C7orf33: variants seen among roughly 807,000 people sequenced by gnomAD.
C7orf33 encodes the protein uncharacterized protein C7orf33.
C7orf33 carries 15 observed loss-of-function variants against 13.4 expected under a neutral mutation model. The ratio of observed to expected loss-of-function variants is 1.12; its 90% confidence interval spans 0.75 to 1.72. C7orf33 has a LOEUF of 1.72. C7orf33 is among the 40% of genes most tolerant of loss of function. The pLI, the probability that C7orf33 is intolerant of heterozygous loss-of-function variation, is 0.00. For synonymous variants in C7orf33, 73 were observed against 83.2 expected, an observed-to-expected ratio of 0.88 and a Z score of 0.67; for missense variants, 187 against 220.3, an observed-to-expected ratio of 0.85 and a Z score of 0.96.
chr7:148,609,564 T>C (rs1028302472), intron 1 of C7orf33, among the ~76,000 whole-genome samples: 1 of 152,196 alleles, frequency 6.6e-6, no homozygotes, highest in Non-Finnish European at 1.5e-5. Context: ...CATCTTGAAG[T>C]TGGCTGTCCT....
At chr7:148,609,549 A>G (rs899855170) in intron 1 of C7orf33, among the ~76,000 whole-genome samples, 4 of 152,236 alleles carry the variant, frequency 2.6e-5, no homozygotes, top group South Asian at 2.1e-4. Context: ...CTATACTGAC[A>G]TCTTCATCTT....
rs926166164 is a variant in C7orf33 at position 148,615,193 on chromosome 7, C to T, written c.460-134C>T. The T allele has an allele frequency of 1.1e-4, 68 of 602,856 alleles. No individual in the cohort carries two copies. The African/African-American group carries it at 1.2e-3, about 10-fold the overall frequency. 37.3% of individuals were successfully genotyped at this position (602,856 alleles called of 1,614,324 possible). On this transcript the variant is annotated intron_variant, in intron 2 of 2. Transcript: ENST00000307003. The stretch of plus-strand genomic sequence containing the variant: ...GGCTCAAGCGATCCACCCACCTTGG[C>T]CTCTCAAAGTGCTGGGATTACAGGC...
rs373549941 is a variant in C7orf33, at chr7:148,591,085, G to T, written c.160G>T (p.Gly54Cys). 1 of 1,613,470 alleles carries T rather than the reference G, an allele frequency of 6.2e-7. No individual in the cohort carries two copies. Among genetic ancestry groups the T allele is most frequent in the East Asian group, 2.2e-5 (1 of 44,872 alleles). ...AVAVWVHVRG[G>C]PGQFNLSYAT... ...CGCTGTTTGGGTCCACGTTAGGGGC[G>T]GTCCAGGTCAATTTAACTTGTCATA... Residue 54 changes from glycine (G) to cysteine (C), a missense_variant, in exon 1 of 3, where the codon GGT (glycine) becomes TGT (cysteine). Physicochemically the swap from Gly to Cys is radical, Grantham distance 159. Transcript: ENST00000307003.
rs550466146 is a variant in C7orf33 at position 148,591,323 on chromosome 7, A to G, written c.204+194A>G. Among the ~76,000 whole-genome samples, 3 of 152,342 alleles carry G rather than the reference A, an allele frequency of 2.0e-5. No homozygotes were observed. In the East Asian group the frequency reaches 5.8e-4, roughly 29 times the overall value. ...AAGAAGGCCTGGAATCTTCTTAGGG[A>G]AAAGAATCCTCACAAAACACTCCAC... is the stretch of plus-strand genomic sequence containing the variant. On this transcript the variant is annotated intron_variant, in intron 1 of 2. Coordinates refer to ENST00000307003, the MANE Select transcript of C7orf33 (RefSeq NM_145304.4).
intron 1 of C7orf33, among the ~76,000 whole-genome samples, chr7:148,593,673 G>A (rs56256298): frequency 0.052 from 7,843 of 152,152 alleles, 258 homozygotes; most frequent in South Asian, 0.1. Context: ...CTCTGACTGG[G>A]TGTTTAATGC....
chr7:148,595,411 T>C (rs1454186497), intron 1 of C7orf33, among the ~76,000 whole-genome samples: 3 of 115,690 alleles, frequency 2.6e-5, no homozygotes, highest in Non-Finnish European at 3.6e-5. Flanking sequence ...ATAATATAGA[T>C]CTATATTATA....
At chr7:148,609,300 CA>C (rs1185639900) in intron 1 of C7orf33, among the ~76,000 whole-genome samples, 1 of 152,162 alleles carries the variant, frequency 6.6e-6, no homozygotes, top group Non-Finnish European at 1.5e-5. Flanking sequence ...CTAGTCTAAA[CA>C]TTCATAGAGC....
At chr7:148,603,264 A>G (rs2116895828) in intron 1 of C7orf33, among the ~76,000 whole-genome samples, 1 of 152,208 alleles carries the variant, frequency 6.6e-6, no homozygotes, top group East Asian at 1.9e-4. Context: ...GAGCTCTGAG[A>G]CCAGGCTGAT....
chr7:148,600,897 G>T (rs1224299560), intron 1 of C7orf33, among the ~76,000 whole-genome samples: 1 of 148,884 alleles, frequency 6.7e-6, no homozygotes, highest in Admixed American at 6.7e-5. Context: ...CCACCTCCCG[G>T]GTTGAAGCAA....
rs111457268 is a variant in C7orf33, at chr7:148,604,542, C to A, written c.205-9500C>A. Among the ~76,000 whole-genome samples, 1,327 of 152,226 alleles carry A rather than the reference C, an allele frequency of 8.7e-3. 17 individuals are homozygous for A. Among genetic ancestry groups the A allele is most frequent in the African/African-American group, 0.031 (1,268 of 41,526 alleles). ...TGCAAAGGCATAGTGATACAGTGGA[C>A]TTTGGGGACTCAGGGGAAAGGGTGG... On this transcript the variant is annotated intron_variant, in intron 1 of 2. Transcript: ENST00000307003.
chr7:148,606,548 A>G (rs1233490911), intron 1 of C7orf33, among the ~76,000 whole-genome samples: 4 of 152,128 alleles, frequency 2.6e-5, no homozygotes, highest in Non-Finnish European at 5.9e-5. Context: ...AGGGGAAGAA[A>G]AATCATTGTT....
intron 1 of C7orf33, among the ~76,000 whole-genome samples, chr7:148,612,043 G>A (rs1050536979): frequency 6.6e-6 from 1 of 152,204 alleles, no homozygotes; most frequent in Non-Finnish European, 1.5e-5. Context: ...CCAGCCCTGG[G>A]GGCTTCATTA....
chr7:148,600,106 CTT>C (rs1292488897), intron 1 of C7orf33, among the ~76,000 whole-genome samples: 1 of 149,404 alleles, frequency 6.7e-6, no homozygotes, highest in Non-Finnish European at 1.5e-5. Flanking sequence ...GGCACAGCCT[CTT>C]GTCTCTGGGT....
intron 1 of C7orf33, among the ~76,000 whole-genome samples, chr7:148,596,825 C>T (rs934076309): frequency 5.9e-5 from 9 of 152,178 alleles, no homozygotes; most frequent in Admixed American, 2.6e-4. Context: ...CTTCCTCCCC[C>T]ACTCTACTCC....
chr7:148,591,602 A>ATCTT (rs1218194894), intron 1 of C7orf33, among the ~76,000 whole-genome samples: 3 of 151,936 alleles, frequency 2.0e-5, no homozygotes, highest in Non-Finnish European at 4.4e-5. Flanking sequence ...TGTTTTAGAG[A>ATCTT]TAGTATCTTG....
At chr7:148,603,289 A>C (rs1348254669) in intron 1 of C7orf33, among the ~76,000 whole-genome samples, 1 of 152,118 alleles carries the variant, frequency 6.6e-6, no homozygotes, top group African/African-American at 2.4e-5. Context: ...CTACTAAAGA[A>C]TCAAAAGGAG....
chr7:148,599,646 T>C (rs1411617375), intron 1 of C7orf33, among the ~76,000 whole-genome samples: 1 of 152,008 alleles, frequency 6.6e-6, no homozygotes, highest in Non-Finnish European at 1.5e-5. Flanking sequence ...TGCTAATTTT[T>C]GTATTTTTAG....
At chr7:148,614,653 G>C (rs986406906) in intron 2 of C7orf33, among the ~76,000 whole-genome samples, 20 of 152,204 alleles carry the variant, frequency 1.3e-4, no homozygotes, top group African/African-American at 4.8e-4. Context: ...AGCTGGCATT[G>C]TACTTGCAGA....
chr7:148,591,124 CAT>C lies in C7orf33; in HGVS notation c.201_202del (p.His67GlnfsTer91). On this transcript the variant is annotated frameshift_variant, in exon 1 of 3. Transcript: ENST00000307003. LOFTEE classifies it high-confidence loss of function. ...TAACTTGTCATATGCCACGGGAAGA[CAT>C]AAGGTAAGTTAATGATTCTAAGATG... is the stretch of plus-strand genomic sequence containing the variant. ...QFNLSYATGR[H>X]KKPNPHQNMN... 1 of 1,612,876 alleles carries C rather than the reference CAT, an allele frequency of 6.2e-7. No homozygotes were observed. Among genetic ancestry groups the C allele is most frequent in the South Asian group, 1.1e-5 (1 of 90,910 alleles).
Sources: allele counts gnomAD v4.1 joint callset (sites outside exome capture counted in the v4.1 genomes callset), GRCh38; gene constraint gnomAD v4.1.1; transcripts MANE v1.5; gene names NCBI Gene and HGNC (gene_info 2026-07-23, HGNC 2026-07-21).